CAST: variants seen among roughly 807,000 people sequenced by gnomAD.
CAST encodes MIR583 host.
In CAST, 76 loss-of-function variants were observed where a neutral mutation model predicts 119.6. The observed-to-expected ratio is 0.64, with a 90% confidence interval of 0.53 to 0.77. CAST has a LOEUF of 0.77. CAST is among the 30% of genes least tolerant of loss of function. The probability of loss-of-function intolerance (pLI) is 0.00; values close to 1 mark genes in which losing one functional copy is unlikely to be tolerated. For missense variants in CAST, 953 were observed against 946.5 expected (o/e 1.01, Z -0.09); for synonymous variants, 319 against 331.6 (o/e 0.96, Z 0.41).
At chr5:96,758,474 G>C (rs900490537) in intron 24 of CAST, among the ~76,000 whole-genome samples, 1 of 152,020 alleles carries the variant, frequency 6.6e-6, no homozygotes, top group Non-Finnish European at 1.5e-5. Context: ...TTTCTTGTGG[G>C]GTCTGGTTTA....
At chr5:96,697,670 T>C (rs1753461874) in intron 3 of CAST, among the ~76,000 whole-genome samples, 1 of 152,234 alleles carries the variant, frequency 6.6e-6, no homozygotes, top group Non-Finnish European at 1.5e-5. Context: ...CATTCACTGA[T>C]GGCCACTGGG....
At position 96,663,802 on chromosome 5, in the gene CAST, T is replaced by G. The variant is rs559334208; in HGVS notation, c.75+1305T>G. 4.9e-4 allele frequency among the ~76,000 whole-genome samples: 74 copies of G among 152,262 alleles called. 1 individual carries two copies. Among genetic ancestry groups the G allele is most frequent in the African/African-American group, 1.7e-3 (72 of 41,534 alleles). ...AGCGAGCTTCTCTGCACTTTATTAC[T>G]TTGGATGAGGGACAAGAACATTCCA... On this transcript the variant is annotated intron_variant, in intron 1 of 31. Transcript: ENST00000675179.
the CAST span, among the ~76,000 whole-genome samples, chr5:96,375,916 T>TATATAA: frequency 6.8e-6 from 1 of 146,570 alleles, no homozygotes. Flanking sequence ...TATATATAAA[T>TATATAA]ATATAAATAT....
At chr5:96,295,334 A>C in the CAST span, among the ~76,000 whole-genome samples, 2 of 152,178 alleles carry the variant, frequency 1.3e-5, no homozygotes, top group African/African-American at 4.8e-5. Context: ...CACACTATTT[A>C]GAGGGTGATG....
the CAST span, among the ~76,000 whole-genome samples, chr5:96,311,260 T>C: frequency 6.6e-6 from 1 of 152,130 alleles, no homozygotes; most frequent in African/African-American, 2.4e-5. Flanking sequence ...GTTATTAATT[T>C]CTTCTTTTAT....
chr5:96,309,816 G>C, the CAST span, among the ~76,000 whole-genome samples: 1 of 152,206 alleles, frequency 6.6e-6, no homozygotes. Context: ...AGATGAACTG[G>C]GTACCTCAGT....
chr5:96,096,180 A>G, the CAST span, among the ~76,000 whole-genome samples: 1 of 152,218 alleles, frequency 6.6e-6, no homozygotes, highest in Non-Finnish European at 1.5e-5. Context: ...TTTGCCATTT[A>G]CTGTGCAGGG....
chr5:96,297,216 G>A, the CAST span, among the ~76,000 whole-genome samples: 1 of 152,314 alleles, frequency 6.6e-6, no homozygotes, highest in East Asian at 1.9e-4. Context: ...GTTTTGAGCA[G>A]GGAATTAATA....
the CAST span, among the ~76,000 whole-genome samples, chr5:96,381,463 T>C: frequency 6.6e-6 from 1 of 152,194 alleles, no homozygotes; most frequent in Admixed American, 6.5e-5. Flanking sequence ...TAATTTTGCA[T>C]GTGAATATCA....
the CAST span, among the ~76,000 whole-genome samples, chr5:96,106,871 G>T: frequency 4.8e-3 from 641 of 133,852 alleles, 10 homozygotes; most frequent in African/African-American, 0.018. Flanking sequence ...TCTCTTTGTA[G>T]GTCACTCAGG....
the CAST span, among the ~76,000 whole-genome samples, chr5:96,020,822 A>G: frequency 1.8e-5 from 1 of 54,600 alleles, no homozygotes. Context: ...ACCATCCCCC[A>G]CCCCCCACCC....
At chr5:96,545,045 C>A (rs1745985619) in intron 1 of CAST, among the ~76,000 whole-genome samples, 2 of 152,166 alleles carry the variant, frequency 1.3e-5, no homozygotes, top group Admixed American at 1.3e-4. Flanking sequence ...GAGGTCAATT[C>A]TCCAAGAAAA....
At chr5:96,465,821 T>C in the CAST span, among the ~76,000 whole-genome samples, 9 of 152,274 alleles carry the variant, frequency 5.9e-5, no homozygotes, top group Non-Finnish European at 1.2e-4. Flanking sequence ...TCATTATTAC[T>C]GGATTCTCAT....
chr5:96,367,308 A>G, the CAST span, among the ~76,000 whole-genome samples: 1 of 152,094 alleles, frequency 6.6e-6, no homozygotes, highest in African/African-American at 2.4e-5. Context: ...CCATTCTCAG[A>G]TCTCAAACTC....
chr5:96,760,171 A>G (rs933016432), intron 24 of CAST, among the ~76,000 whole-genome samples: 1 of 152,002 alleles, frequency 6.6e-6, no homozygotes, highest in African/African-American at 2.4e-5. Context: ...GACAAATATA[A>G]CGGTATCAGC....
At chr5:96,048,054 A>AT in the CAST span, among the ~76,000 whole-genome samples, 1 of 150,504 alleles carries the variant, frequency 6.6e-6, no homozygotes. Flanking sequence ...GATGAAGGTC[A>AT]TACTCTTTCA....
chr5:95,981,882 GA>G, the CAST span, among the ~76,000 whole-genome samples: 2 of 150,748 alleles, frequency 1.3e-5, no homozygotes, highest in Admixed American at 6.6e-5. Context: ...TGAAAGAAAA[GA>G]AAAAAAAGCA....
At chr5:96,771,273 A>G (rs1403816842) in intron 30 of CAST, among the ~76,000 whole-genome samples, 1 of 152,214 alleles carries the variant, frequency 6.6e-6, no homozygotes, top group Admixed American at 6.5e-5. Flanking sequence ...AATAGAAAGC[A>G]TAATAACCCT....
the CAST span, among the ~76,000 whole-genome samples, chr5:96,078,661 A>T: frequency 5.3e-5 from 8 of 152,232 alleles, no homozygotes. Flanking sequence ...CCAAGAAAGA[A>T]CAAGTGGAAA....
Sources: allele counts gnomAD v4.1 joint callset (sites outside exome capture counted in the v4.1 genomes callset), GRCh38; gene constraint gnomAD v4.1.1; transcripts MANE v1.5; gene names NCBI Gene and HGNC (gene_info 2026-07-23, HGNC 2026-07-21).